GNG12: variants seen among roughly 807,000 people sequenced by gnomAD.
The protein encoded by GNG12 is guanine nucleotide-binding protein G(I)/G(S)/G(O) subunit gamma-12.
For synonymous variants in GNG12, 28 were observed against 29.7 expected (o/e 0.94, Z 0.19); for missense variants, 69 against 83.8 (o/e 0.82, Z 0.69).
At chr1:67,784,745 C>T (rs554995013) in intron 1 of GNG12, among the ~76,000 whole-genome samples, 8 of 152,246 alleles carry the variant, frequency 5.3e-5, no homozygotes, top group East Asian at 1.9e-4. Flanking sequence ...CCAAAACTTA[C>T]GCAATTTTAA....
chr1:67,754,200 C>T (rs1478847512), intron 2 of GNG12, among the ~76,000 whole-genome samples: 1 of 152,190 alleles, frequency 6.6e-6, no homozygotes, highest in South Asian at 2.1e-4. Context: ...GCCTGGCCCA[C>T]AGGTGCTGTG....
At chr1:67,728,890 T>G (rs1480320544) in intron 2 of GNG12, among the ~76,000 whole-genome samples, 2 of 152,350 alleles carry the variant, frequency 1.3e-5, no homozygotes, top group African/African-American at 2.4e-5. Flanking sequence ...TGAGTTACCA[T>G]GTGCAAAGGC....
intron 1 of GNG12, among the ~76,000 whole-genome samples, chr1:67,813,038 C>T (rs559342514): frequency 1.3e-5 from 2 of 152,314 alleles, no homozygotes; most frequent in Middle Eastern, 3.4e-3. Flanking sequence ...TCCATAATGA[C>T]GATGGCCCCT....
At chr1:67,812,904 G>A (rs920144006) in intron 1 of GNG12, among the ~76,000 whole-genome samples, 1 of 152,172 alleles carries the variant, frequency 6.6e-6, no homozygotes, top group African/African-American at 2.4e-5. Context: ...CACTCTTCAT[G>A]ACAAGGATAT....
chr1:67,808,522 A>G (rs1412766727), intron 1 of GNG12, among the ~76,000 whole-genome samples: 1 of 152,128 alleles, frequency 6.6e-6, no homozygotes, highest in Non-Finnish European at 1.5e-5. Context: ...CCTTTTTCAA[A>G]GATGACATGA....
chr1:67,830,303 C>T (rs1249515893), intron 1 of GNG12, among the ~76,000 whole-genome samples: 1 of 152,140 alleles, frequency 6.6e-6, no homozygotes, highest in East Asian at 1.9e-4. Context: ...CAGCGCCTGG[C>T]AAGATGAAGG....
chr1:67,784,957 G>C (rs111623395), intron 1 of GNG12, among the ~76,000 whole-genome samples: 1 of 152,090 alleles, frequency 6.6e-6, no homozygotes, highest in Non-Finnish European at 1.5e-5. Flanking sequence ...TTGCCTGTAC[G>C]GCAGAGAAAA....
intron 2 of GNG12, among the ~76,000 whole-genome samples, chr1:67,759,525 T>C (rs1646590181): frequency 1.3e-5 from 2 of 152,250 alleles, no homozygotes; most frequent in South Asian, 4.1e-4. Context: ...ATTATAATCT[T>C]GGTGCACCTC....
At chr1:67,797,012 C>A (rs6663214) in intron 1 of GNG12, among the ~76,000 whole-genome samples, 11,407 of 152,188 alleles carry the variant, frequency 0.075, 621 homozygotes, top group Non-Finnish European at 0.099. Flanking sequence ...AGAACTCACT[C>A]ATTACCATGC....
chr1:67,818,586 T>C (rs758233677), intron 1 of GNG12, among the ~76,000 whole-genome samples: 1 of 152,098 alleles, frequency 6.6e-6, no homozygotes, highest in African/African-American at 2.4e-5. Flanking sequence ...TTACCAAATA[T>C]GGACTTATCT....
chr1:67,738,083 G>A (rs77025841), intron 2 of GNG12, among the ~76,000 whole-genome samples: 7 of 151,842 alleles, frequency 4.6e-5, no homozygotes, highest in Non-Finnish European at 1.0e-4. Context: ...ACAGGTGTGC[G>A]CCACCATGTC....
intron 2 of GNG12, among the ~76,000 whole-genome samples, chr1:67,720,551 A>G (rs1470265513): frequency 6.6e-6 from 1 of 152,254 alleles, no homozygotes. Flanking sequence ...AAATTCAGCA[A>G]TTATTTAATA....
intron 2 of GNG12, among the ~76,000 whole-genome samples, chr1:67,719,470 T>A (rs1646345239): frequency 1.3e-5 from 2 of 151,976 alleles, no homozygotes; most frequent in Admixed American, 6.6e-5. Context: ...TATGTTTTGC[T>A]TTTTTTTGTT....
At chr1:67,827,392 A>C (rs1334417100) in intron 1 of GNG12, among the ~76,000 whole-genome samples, 4 of 152,178 alleles carry the variant, frequency 2.6e-5, no homozygotes, top group Non-Finnish European at 5.9e-5. Flanking sequence ...CAGAACTGAA[A>C]GTATTAATTC....
At chr1:67,759,454 T>G (rs1166317554) in intron 2 of GNG12, among the ~76,000 whole-genome samples, 5 of 152,216 alleles carry the variant, frequency 3.3e-5, no homozygotes, top group African/African-American at 1.2e-4. Flanking sequence ...AGGCCTGGGT[T>G]TGTGTTCGGA....
chr1:67,758,407 G>A (rs1033548399), intron 2 of GNG12, among the ~76,000 whole-genome samples: 6 of 152,138 alleles, frequency 3.9e-5, no homozygotes, highest in South Asian at 4.1e-4. Context: ...CTAGTATTTC[G>A]CCATGACGAT....
chr1:67,723,120 T>A (rs556742063), intron 2 of GNG12, among the ~76,000 whole-genome samples: 4 of 152,272 alleles, frequency 2.6e-5, no homozygotes, highest in Admixed American at 6.5e-5. Flanking sequence ...ATGCAAAAAA[T>A]TTTTTAAAAG....
rs777619534 is a variant in GNG12, at chr1:67,707,591, T to C, written c.93+3A>G. 2.0e-6 allele frequency: 3 copies of C among 1,505,602 alleles called. No individual in the cohort carries two copies. The highest frequency in any genetic ancestry group is 2.8e-6 in the Non-Finnish European group (3 of 1,086,570). 93.3% of individuals were successfully genotyped at this position (1,505,602 alleles called of 1,614,324 possible). A position where few individuals can be genotyped will look rare whatever the true frequency, so the allele number is the denominator to read the frequency against. On this transcript the variant is annotated splice_donor_region_variant and intron_variant, in intron 3 of 3. Transcript: ENST00000370982. ...CATATGTTATCCAGTCGGGGCTTCT[T>C]ACCTTTATTCTTTCAATGGAGGCTT...
intron 1 of GNG12, among the ~76,000 whole-genome samples, chr1:67,802,715 A>AC (rs1374517289): frequency 1.3e-5 from 2 of 151,850 alleles, no homozygotes; most frequent in African/African-American, 4.8e-5. Context: ...CACACACACT[A>AC]CCCTCTGCCC....
Sources: gnomAD v4.1 joint callset for allele counts (sites outside exome capture counted in the v4.1 genomes callset) on GRCh38, gnomAD v4.1.1 for gene constraint, MANE v1.5 for transcripts, NCBI Gene and HGNC (gene_info 2026-07-23, HGNC 2026-07-21) for gene names.